Variants in FNDC3A observed in about 807,000 individuals in gnomAD.
FNDC3A encodes the protein fibronectin type III domain containing 3A.
A neutral mutation model predicts 148.9 loss-of-function variants in FNDC3A; 32 were observed. The observed-to-expected ratio is 0.21, with a 90% CI of 0.16 to 0.29. The LOEUF (loss-of-function observed/expected upper bound fraction) is 0.29. Ranked by LOEUF, FNDC3A falls within the 10% of genes least tolerant of loss-of-function variation. The pLI is 1.00. For synonymous variants in FNDC3A, 472 were observed against 473.6 expected (o/e 1.00, Z 0.04); for missense variants, 1,191 against 1,452.8 (o/e 0.82, Z 2.93).
intron 2 of FNDC3A, among the ~76,000 whole-genome samples, chr13:49,041,918 T>G (rs138970140): frequency 1.3e-5 from 2 of 152,130 alleles, no homozygotes; most frequent in African/African-American, 4.8e-5. Context: ...CATAGTGAGC[T>G]TTTATTCTAG....
chr13:49,088,761 C>T (rs1878985415), intron 3 of FNDC3A, among the ~76,000 whole-genome samples: 1 of 151,878 alleles, frequency 6.6e-6, no homozygotes, highest in Admixed American at 6.6e-5. Flanking sequence ...GACAGGGTCT[C>T]GCTATGTTGC....
intron 7 of FNDC3A, 89 bp downstream of exon 7, chr13:49,138,894 C>T (rs1882533973): frequency 5.8e-6 from 4 of 691,624 alleles, no homozygotes; most frequent in Admixed American, 2.7e-5. Context: ...TTTCTTTTAA[C>T]TTTTTATGAA....
Position 49,165,742 on chromosome 13 carries a change from C to A in FNDC3A, c.978-1502C>A, listed in dbSNP as rs572066552. On this transcript the variant is annotated intron_variant, in intron 8 of 25. Coordinates refer to ENST00000492622, the MANE Select transcript of FNDC3A (RefSeq NM_001079673.2). ...TGGCCTCTGGAAGCAGATATGGCTT[C>A]GGTGATGTCATTAGCAATGGCAGGA... Among the ~76,000 whole-genome samples, 3 of 152,204 alleles carry A rather than the reference C, an allele frequency of 2.0e-5. No individual in the cohort carries two copies. In the South Asian group the frequency reaches 6.2e-4, roughly 32 times the overall value.
intron 2 of FNDC3A, among the ~76,000 whole-genome samples, chr13:49,017,295 G>A (rs556221600): frequency 6.6e-6 from 1 of 152,272 alleles, no homozygotes; most frequent in South Asian, 2.1e-4. Context: ...CCTGTATTGA[G>A]TGCACATATA....
chr13:49,143,943 G>A (rs975681956), intron 7 of FNDC3A, among the ~76,000 whole-genome samples: 1 of 151,350 alleles, frequency 6.6e-6, no homozygotes, highest in African/African-American at 2.4e-5. Context: ...CCAGGAGCTC[G>A]AGACCATCCT....
intron 2 of FNDC3A, among the ~76,000 whole-genome samples, chr13:49,023,580 C>G (rs1873485772): frequency 6.6e-6 from 1 of 151,846 alleles, no homozygotes; most frequent in Non-Finnish European, 1.5e-5. Context: ...AATTGATGTT[C>G]TATTAAACTC....
chr13:49,081,203 A>G (rs564483382), intron 3 of FNDC3A, among the ~76,000 whole-genome samples: 1 of 152,294 alleles, frequency 6.6e-6, no homozygotes, highest in East Asian at 1.9e-4. Context: ...GTAAGAATTT[A>G]TTAACTATCT....
At chr13:49,010,770 G>T (rs1473737626) in intron 2 of FNDC3A, among the ~76,000 whole-genome samples, 1 of 152,024 alleles carries the variant, frequency 6.6e-6, no homozygotes. Flanking sequence ...CTCCTTCAAG[G>T]TTACCACTAT....
intron 3 of FNDC3A, among the ~76,000 whole-genome samples, chr13:49,088,665 C>T (rs1193793136): frequency 6.6e-6 from 1 of 152,124 alleles, no homozygotes; most frequent in Non-Finnish European, 1.5e-5. Flanking sequence ...TGCCCTTCTA[C>T]AGTTTATGCA....
At position 49,015,607 on chromosome 13, in the gene FNDC3A, A is replaced by G. The variant is rs1593473056; in HGVS notation, c.99+9318A>G. Among the ~76,000 whole-genome samples the G allele has an allele frequency of 5.9e-5, 9 of 152,246 alleles. 1 individual carries two copies. The South Asian group carries it at 1.9e-3, about 32-fold the overall frequency. On this transcript the variant is annotated intron_variant, in intron 2 of 25. Coordinates refer to ENST00000492622, the MANE Select transcript of FNDC3A (RefSeq NM_001079673.2). ...ACCCTTTATTTCCTTCTCCTGCCTA[A>G]TTGCCCTGGCCAGAACTTCCAACAC...
intron 1 of FNDC3A, among the ~76,000 whole-genome samples, chr13:48,989,370 T>C (rs1318544344): frequency 6.6e-6 from 1 of 152,320 alleles, no homozygotes; most frequent in South Asian, 2.1e-4. Context: ...GAAAAATTAA[T>C]CACTTGAAAT....
chr13:49,007,654 C>G (rs546530820), intron 2 of FNDC3A, among the ~76,000 whole-genome samples: 2 of 152,190 alleles, frequency 1.3e-5, no homozygotes, highest in African/African-American at 2.4e-5. Context: ...CTCTCCTTCC[C>G]CCAGAAGGAA....
intron 4 of FNDC3A, among the ~76,000 whole-genome samples, chr13:49,115,230 G>A (rs951296880): frequency 6.6e-6 from 1 of 151,084 alleles, no homozygotes; most frequent in African/African-American, 2.4e-5. Flanking sequence ...CCATACACCT[G>A]TAACCTTTTA....
At chr13:49,144,016 A>ACTACTG (rs1593653876) in intron 7 of FNDC3A, among the ~76,000 whole-genome samples, 26 of 145,606 alleles carry the variant, frequency 1.8e-4, no homozygotes, top group Admixed American at 1.4e-3. Context: ...TACTACTGCT[A>ACTACTG]CTACTACTAC....
Position 49,006,306 on chromosome 13 carries a change from G to C in FNDC3A, c.99+17G>C, listed in dbSNP as rs766306401. 1.9e-5 allele frequency: 28 copies of C among 1,451,582 alleles called. No homozygotes were observed. Among genetic ancestry groups the C allele is most frequent in the Non-Finnish European group, 2.6e-5 (27 of 1,036,240 alleles). The allele number at this position is 1,451,582 out of a possible 1,614,324, so 89.9% of individuals were successfully genotyped here. On this transcript the variant is annotated intron_variant, in intron 2 of 25. Transcript: ENST00000492622. ...ACACAACAGGTAAGAAAACTGAAAT[G>C]TTTATTTCTTTATGTCTAATACACA... is the stretch of plus-strand genomic sequence containing the variant.
At chr13:49,035,017 C>G (rs1874393290) in intron 2 of FNDC3A, among the ~76,000 whole-genome samples, 2 of 151,976 alleles carry the variant, frequency 1.3e-5, no homozygotes, top group African/African-American at 4.8e-5. Context: ...CATGCAAACC[C>G]AAATGACATC....
chr13:49,047,926 C>G (rs190251198), intron 2 of FNDC3A, among the ~76,000 whole-genome samples: 28 of 152,216 alleles, frequency 1.8e-4, no homozygotes, highest in African/African-American at 6.3e-4. Context: ...TTTATGGTTT[C>G]AAGTCTTAGA....
intron 2 of FNDC3A, among the ~76,000 whole-genome samples, chr13:49,064,452 C>T (rs1415041745): frequency 1.7e-5 from 2 of 116,344 alleles, no homozygotes; most frequent in Non-Finnish European, 3.2e-5. Flanking sequence ...TAGCAAGCAA[C>T]AAACAAGTGT....
intron 14 of FNDC3A, among the ~76,000 whole-genome samples, chr13:49,182,238 C>T (rs34770234): frequency 6.6e-6 from 1 of 152,052 alleles, no homozygotes; most frequent in African/African-American, 2.4e-5. Context: ...ATCCTCCCAC[C>T]TCAGCCTCCC....
Sources: allele counts gnomAD v4.1 joint callset (sites outside exome capture counted in the v4.1 genomes callset), GRCh38; gene constraint gnomAD v4.1.1; transcripts MANE v1.5; gene names NCBI Gene and HGNC (gene_info 2026-07-23, HGNC 2026-07-21).